The following CSMD3 variants were observed in gnomAD, a reference collection of about 807,000 sequenced individuals.
CSMD3 encodes CUB and Sushi multiple domains 3.
Under a neutral mutation model 435.2 loss-of-function variants are expected in CSMD3, and 177 were observed. That is an observed-to-expected ratio of 0.41 (90% CI 0.36 to 0.46). The LOEUF is 0.46. Among genes scored for constraint, CSMD3 ranks in the 20% least tolerant of loss-of-function variants. CSMD3 has a pLI of 0.34. For missense variants in CSMD3, 4,265 were observed against 4,504.6 expected, an observed-to-expected ratio of 0.95 and a Z score of 1.52; for synonymous variants, 1,656 against 1,520.5, an observed-to-expected ratio of 1.09 and a Z score of -2.07.
chr8:113,417,451 A>G (rs1193514020), intron 1 of CSMD3, among the ~76,000 whole-genome samples: 3 of 151,952 alleles, frequency 2.0e-5, no homozygotes, highest in East Asian at 1.9e-4. Context: ...TTTGTGAAAG[A>G]TAATTTTATA....
At chr8:112,665,929 AGCACCTTCGCCTCT>A (rs2075512150) in intron 17 of CSMD3, among the ~76,000 whole-genome samples, 2 of 152,124 alleles carry the variant, frequency 1.3e-5, no homozygotes, top group African/African-American at 2.4e-5. Context: ...ATGTGTTTAC[AGCACCTTCGCCTCT>A]TGAAACCTAG....
chr8:113,009,872 T>C (rs962706422), intron 6 of CSMD3, among the ~76,000 whole-genome samples: 1 of 151,750 alleles, frequency 6.6e-6, no homozygotes, highest in African/African-American at 2.4e-5. Flanking sequence ...CCTGAACTAA[T>C]AAAAGGTTAA....
At chr8:112,436,381 A>C (rs532823472) in intron 32 of CSMD3, among the ~76,000 whole-genome samples, 1 of 152,026 alleles carries the variant, frequency 6.6e-6, no homozygotes, top group South Asian at 2.1e-4. Context: ...ACTAGGACAA[A>C]GACATGAGGT....
At chr8:113,259,394 C>T (rs576595637) in intron 3 of CSMD3, among the ~76,000 whole-genome samples, 1 of 152,110 alleles carries the variant, frequency 6.6e-6, no homozygotes, top group African/African-American at 2.4e-5. Flanking sequence ...ATGAGTGAGT[C>T]CATACAAGAT....
At chr8:113,277,604 A>G (rs1468572701) in intron 3 of CSMD3, among the ~76,000 whole-genome samples, 1 of 151,928 alleles carries the variant, frequency 6.6e-6, no homozygotes, top group Non-Finnish European at 1.5e-5. Flanking sequence ...TTGAATTATT[A>G]TATGGTTTAG....
intron 6 of CSMD3, among the ~76,000 whole-genome samples, chr8:113,005,905 T>C (rs1281344609): frequency 6.6e-6 from 1 of 152,050 alleles, no homozygotes; most frequent in Non-Finnish European, 1.5e-5. Context: ...ATTTGCCTGA[T>C]AACAAGATTT....
At chr8:113,166,975 A>G (rs901544226) in intron 4 of CSMD3, among the ~76,000 whole-genome samples, 6 of 152,272 alleles carry the variant, frequency 3.9e-5, no homozygotes, top group African/African-American at 1.4e-4. Flanking sequence ...TACTATAAGT[A>G]AGACTTGCCC....
chr8:112,710,062 C>A (rs908721299), intron 13 of CSMD3, among the ~76,000 whole-genome samples: 3 of 152,084 alleles, frequency 2.0e-5, no homozygotes, highest in Non-Finnish European at 2.9e-5. Context: ...GACAGCACTG[C>A]AATCTCCCAG....
At chr8:113,295,368 G>T (rs2093713052) in intron 2 of CSMD3, among the ~76,000 whole-genome samples, 1 of 151,838 alleles carries the variant, frequency 6.6e-6, no homozygotes, top group Non-Finnish European at 1.5e-5. Context: ...TAACACTATT[G>T]CCACCACAAT....
intron 1 of CSMD3, among the ~76,000 whole-genome samples, chr8:113,427,491 A>C (rs1479589828): frequency 6.6e-6 from 1 of 150,866 alleles, no homozygotes; most frequent in Non-Finnish European, 1.5e-5. Flanking sequence ...ATGTCTAAAA[A>C]AAAAAAAAAG....
At chr8:112,422,406 G>A (rs77161081) in intron 32 of CSMD3, among the ~76,000 whole-genome samples, 5 of 152,202 alleles carry the variant, frequency 3.3e-5, no homozygotes, top group Non-Finnish European at 5.9e-5. Context: ...GTACTTTCAG[G>A]AATAGATTTT....
At chr8:113,088,820 C>G (rs1202853510) in intron 5 of CSMD3, among the ~76,000 whole-genome samples, 2 of 151,568 alleles carry the variant, frequency 1.3e-5, no homozygotes, top group African/African-American at 4.9e-5. Context: ...TGTAACTAAC[C>G]TGCACACTGT....
At chr8:112,286,758 G>C (rs1819245175) in intron 58 of CSMD3, among the ~76,000 whole-genome samples, 1 of 152,070 alleles carries the variant, frequency 6.6e-6, no homozygotes, top group South Asian at 2.1e-4. Flanking sequence ...ATGGATAAAG[G>C]AGGGACTACT....
chr8:112,927,724 T>G (rs760901401), intron 9 of CSMD3, among the ~76,000 whole-genome samples: 1 of 152,168 alleles, frequency 6.6e-6, no homozygotes, highest in Non-Finnish European at 1.5e-5. Flanking sequence ...TGTTTTTTTA[T>G]ACCTATTGCC....
intron 13 of CSMD3, among the ~76,000 whole-genome samples, chr8:112,700,439 T>C (rs958085518): frequency 6.6e-6 from 1 of 152,044 alleles, no homozygotes; most frequent in African/African-American, 2.4e-5. Flanking sequence ...AGGCAGAGGT[T>C]GTAATGAGGA....
At chr8:112,232,102 C>T (rs1425023616) in intron 68 of CSMD3, among the ~76,000 whole-genome samples, 1 of 152,080 alleles carries the variant, frequency 6.6e-6, no homozygotes, top group Admixed American at 6.6e-5. Context: ...AGTTAAGTTG[C>T]AAGCCTAGGC....
chr8:112,989,934 C>T (rs1180929600), intron 6 of CSMD3, among the ~76,000 whole-genome samples: 1 of 151,436 alleles, frequency 6.6e-6, no homozygotes, highest in African/African-American at 2.4e-5. Flanking sequence ...GGGCAGTTTT[C>T]CCCCTACTGT....
chr8:113,175,764 T>G, intron 3 of CSMD3, among the ~76,000 whole-genome samples: 1 of 152,178 alleles, frequency 6.6e-6, no homozygotes, highest in South Asian at 2.1e-4. Flanking sequence ...AGGAGATACT[T>G]TTAATGAAAC....
chr8:113,197,045 G>T (rs2092664709), intron 3 of CSMD3, among the ~76,000 whole-genome samples: 1 of 151,052 alleles, frequency 6.6e-6, no homozygotes, highest in African/African-American at 2.4e-5. Context: ...CCAGAGTACA[G>T]GACATAAAAA....
Sources: gnomAD v4.1 joint callset for allele counts (sites outside exome capture counted in the v4.1 genomes callset) on GRCh38, gnomAD v4.1.1 for gene constraint, MANE v1.5 for transcripts, NCBI Gene and HGNC (gene_info 2026-07-23, HGNC 2026-07-21) for gene names.